The following GRM8 variants were observed in gnomAD, a reference collection of about 807,000 sequenced individuals.
GRM8 encodes the protein metabotropic glutamate receptor 8.
In GRM8, 47 loss-of-function variants were observed where a neutral mutation model predicts 87.2. The ratio of observed to expected loss-of-function variants is 0.54; its 90% CI spans 0.43 to 0.69. GRM8 has a LOEUF of 0.69. Ranked by LOEUF, GRM8 falls within the 30% of genes least tolerant of loss-of-function variation. The pLI is 0.00. For missense variants in GRM8, 1,019 were observed against 1,139.2 expected, an observed-to-expected ratio of 0.89 and a Z score of 1.52; for synonymous variants, 396 against 404.5, an observed-to-expected ratio of 0.98 and a Z score of 0.25.
intron 6 of GRM8, among the ~76,000 whole-genome samples, chr7:126,868,298 G>C (rs1798785943): frequency 6.6e-6 from 1 of 152,238 alleles, no homozygotes; most frequent in Non-Finnish European, 1.5e-5. Flanking sequence ...GAGTGGGCCA[G>C]TGTGGACTCG....
At chr7:126,526,884 T>C (rs547071543) in intron 9 of GRM8, among the ~76,000 whole-genome samples, 13 of 152,328 alleles carry the variant, frequency 8.5e-5, no homozygotes, top group Admixed American at 7.8e-4. Context: ...TGAGGCCACA[T>C]AAATGCTTTC....
intron 8 of GRM8, among the ~76,000 whole-genome samples, chr7:126,548,880 CA>C (rs1817469451): frequency 6.6e-6 from 1 of 151,994 alleles, no homozygotes; most frequent in African/African-American, 2.4e-5. Context: ...AATGGACTTT[CA>C]AAATCATAAG....
intron 6 of GRM8, among the ~76,000 whole-genome samples, chr7:126,784,843 G>T (rs961880483): frequency 1.3e-5 from 2 of 152,116 alleles, no homozygotes; most frequent in African/African-American, 4.8e-5. Flanking sequence ...TATTCAAAGT[G>T]ATCTAACTCT....
intron 8 of GRM8, among the ~76,000 whole-genome samples, chr7:126,589,210 G>C (rs1026920646): frequency 6.6e-6 from 1 of 152,170 alleles, no homozygotes; most frequent in African/African-American, 2.4e-5. Context: ...TCTCAGCTGG[G>C]AGGCTGGTAG....
chr7:126,988,186 CA>C (rs1812301592), intron 3 of GRM8, among the ~76,000 whole-genome samples: 1 of 152,172 alleles, frequency 6.6e-6, no homozygotes, highest in Non-Finnish European at 1.5e-5. Flanking sequence ...AGGAAGCAAA[CA>C]ATTGCCAGCT....
chr7:126,623,381 A>G lies in GRM8; in HGVS notation c.1358-13883T>C, dbSNP rs1800368830. Among the ~76,000 whole-genome samples, 3 of 152,224 alleles carry G rather than the reference A, an allele frequency of 2.0e-5. No individual in the cohort carries two copies. In the South Asian group the frequency reaches 6.2e-4, roughly 31 times the overall value. ...AAAATATCACATCAAAATATAATCA[A>G]TATAGAAATATTGAGGTACTTTATG... On this transcript the variant is annotated intron_variant, in intron 7 of 10. Coordinates refer to ENST00000339582, the MANE Select transcript of GRM8 (RefSeq NM_000845.3).
intron 6 of GRM8, among the ~76,000 whole-genome samples, chr7:126,805,503 C>T (rs1792583532): frequency 6.6e-6 from 1 of 152,196 alleles, no homozygotes; most frequent in Non-Finnish European, 1.5e-5. Context: ...CCCAGTATTA[C>T]TAGAGGTTCC....
chr7:127,153,990 G>A (rs966186516), intron 2 of GRM8, among the ~76,000 whole-genome samples: 3 of 152,080 alleles, frequency 2.0e-5, no homozygotes, highest in Non-Finnish European at 4.4e-5. Flanking sequence ...AGGAGCACGG[G>A]TGGTGAGTAT....
At chr7:127,127,823 C>T (rs1158999403) in intron 2 of GRM8, among the ~76,000 whole-genome samples, 6 of 152,016 alleles carry the variant, frequency 3.9e-5, no homozygotes, top group Admixed American at 3.9e-4. Flanking sequence ...AATGCCTGGT[C>T]TCTCCTTCCA....
chr7:127,184,134 A>G (rs191290147), intron 2 of GRM8, among the ~76,000 whole-genome samples: 5 of 152,060 alleles, frequency 3.3e-5, no homozygotes, highest in Admixed American at 2.6e-4. Flanking sequence ...GGAAATAGAA[A>G]TAATTCCTAA....
At chr7:126,586,276 A>C (rs1317126064) in intron 8 of GRM8, among the ~76,000 whole-genome samples, 1 of 152,226 alleles carries the variant, frequency 6.6e-6, no homozygotes, top group East Asian at 1.9e-4. Flanking sequence ...TTATAGATTT[A>C]ATGCCATCTC....
At chr7:126,918,711 T>TA (rs1804187578) in intron 3 of GRM8, among the ~76,000 whole-genome samples, 1 of 152,220 alleles carries the variant, frequency 6.6e-6, no homozygotes, top group Admixed American at 6.5e-5. Flanking sequence ...TTGCATTATT[T>TA]AAAGATGCAC....
chr7:127,107,707 G>A (rs911422775), intron 2 of GRM8, among the ~76,000 whole-genome samples: 2 of 152,152 alleles, frequency 1.3e-5, no homozygotes, highest in African/African-American at 4.8e-5. Context: ...CACACTCTGG[G>A]ATCCAATAGT....
chr7:127,095,306 C>G (rs767066276), intron 3 of GRM8, among the ~76,000 whole-genome samples: 5 of 152,150 alleles, frequency 3.3e-5, no homozygotes, highest in Admixed American at 1.3e-4. Context: ...TGGGTTGATG[C>G]TGGGTGGAAG....
intron 9 of GRM8, among the ~76,000 whole-genome samples, chr7:126,509,770 T>C (rs1055747668): frequency 5.9e-5 from 9 of 152,088 alleles, no homozygotes; most frequent in Non-Finnish European, 1.3e-4. Flanking sequence ...TACCTAGACA[T>C]TTAGGAGAAA....
At chr7:126,915,258 C>A (rs1803770103) in intron 3 of GRM8, among the ~76,000 whole-genome samples, 1 of 152,196 alleles carries the variant, frequency 6.6e-6, no homozygotes, top group African/African-American at 2.4e-5. Flanking sequence ...ACCTCTGTCC[C>A]TCATCTGAAG....
chr7:127,094,976 G>GCC (rs1002694736), intron 3 of GRM8, among the ~76,000 whole-genome samples: 3 of 152,170 alleles, frequency 2.0e-5, no homozygotes, highest in African/African-American at 7.2e-5. Context: ...GGGGGTCAGG[G>GCC]CCCCATACAA....
chr7:126,835,161 G>A (rs1795731910), intron 6 of GRM8, among the ~76,000 whole-genome samples: 1 of 151,764 alleles, frequency 6.6e-6, no homozygotes, highest in South Asian at 2.1e-4. Flanking sequence ...TTACCATGTA[G>A]CGTATTTCCC....
At position 127,089,150 on chromosome 7, in the gene GRM8, G is replaced by T. The variant is rs144439440; in HGVS notation, c.727+17346C>A. ...GAGTGAGCCCTAAATCCAATGACAAGTGTCCTTATAAGAGACAGAAAAGGA... is the reference window on the plus strand; with the variant it reads ...GAGTGAGCCCTAAATCCAATGACAATTGTCCTTATAAGAGACAGAAAAGGA... On this transcript the variant is annotated intron_variant, in intron 3 of 10. Coordinates refer to ENST00000339582, the MANE Select transcript of GRM8 (RefSeq NM_000845.3). 4.7e-3 allele frequency among the ~76,000 whole-genome samples: 714 copies of T among 152,326 alleles called. 6 individuals are homozygous for T. Among genetic ancestry groups the T allele is most frequent in the African/African-American group, 0.016 (672 of 41,558 alleles).
Sources: allele counts gnomAD v4.1 joint callset (sites outside exome capture counted in the v4.1 genomes callset), GRCh38; gene constraint gnomAD v4.1.1; transcripts MANE v1.5; gene names NCBI Gene and HGNC (gene_info 2026-07-23, HGNC 2026-07-21).